The following SLC6A6 variants were observed in gnomAD, a reference collection of about 807,000 sequenced individuals.
SLC6A6 encodes sodium- and chloride-dependent taurine transporter.
A neutral mutation model predicts 68.8 loss-of-function variants in SLC6A6; 16 were observed. That is an observed-to-expected ratio of 0.23 (90% CI 0.16 to 0.35). The LOEUF is 0.35. Among genes scored for constraint, SLC6A6 ranks in the 10% least tolerant of loss-of-function variants. SLC6A6 has a pLI of 1.00. For synonymous variants in SLC6A6, 312 were observed against 315.4 expected, an observed-to-expected ratio of 0.99 and a Z score of 0.12; for missense variants, 474 against 802.8, an observed-to-expected ratio of 0.59 and a Z score of 4.95.
chr3:14,409,917 C>CTTGG (rs1559282335), intron 1 of SLC6A6, among the ~76,000 whole-genome samples: 25 of 152,284 alleles, frequency 1.6e-4, no homozygotes, highest in Admixed American at 1.3e-3. Context: ...GCCAGGCACA[C>CTTGG]TGGCTCACGT....
At chr3:14,437,026 G>T (rs1213735154) in intron 2 of SLC6A6, among the ~76,000 whole-genome samples, 2 of 138,984 alleles carry the variant, frequency 1.4e-5, no homozygotes, top group Admixed American at 7.3e-5. Flanking sequence ...AGACAGACCT[G>T]GGGGGCATTT....
At chr3:14,473,619 A>G (rs1700804404) in intron 10 of SLC6A6, among the ~76,000 whole-genome samples, 1 of 152,150 alleles carries the variant, frequency 6.6e-6, no homozygotes, top group Non-Finnish European at 1.5e-5. Flanking sequence ...AGAGCAGGGG[A>G]TTTGGCAGAG....
At chr3:14,433,801 TC>T (rs1400440988) in intron 2 of SLC6A6, among the ~76,000 whole-genome samples, 2 of 24,234 alleles carry the variant, frequency 8.3e-5, no homozygotes, top group East Asian at 8.6e-4. Context: ...AGACTCTGTC[TC>T]AAAAAAAAAA....
intron 6 of SLC6A6, among the ~76,000 whole-genome samples, chr3:14,459,117 A>G (rs1446825699): frequency 6.6e-6 from 1 of 152,194 alleles, no homozygotes; most frequent in Admixed American, 6.5e-5. Flanking sequence ...GCTATAAAGA[A>G]CAAAGGCGTT....
At chr3:14,449,120 T>C (rs773628713) in intron 5 of SLC6A6, among the ~76,000 whole-genome samples, 8 of 152,240 alleles carry the variant, frequency 5.3e-5, no homozygotes, top group Non-Finnish European at 1.2e-4. Flanking sequence ...GCCTACCGAC[T>C]GGCCCCAGCC....
Position 14,485,792 on chromosome 3 carries a change from A to C in SLC6A6, c.*785A>C, listed in dbSNP as rs968046685. ...ATTTTGAGATGGTGAGTGGATAGTC[A>C]GTAGACCGTCAGAACCACTGGCCAG... On this transcript the variant is annotated 3_prime_UTR_variant, in exon 15 of 15. Coordinates refer to ENST00000622186, the MANE Select transcript of SLC6A6 (RefSeq NM_003043.6). 1 of 152,420 alleles carries C rather than the reference A, an allele frequency of 6.6e-6. No homozygotes were observed. The highest frequency in any genetic ancestry group is 2.4e-5 in the African/African-American group (1 of 41,440). The allele number at this position is 152,420 out of a possible 1,614,324, so 9.4% of individuals were successfully genotyped here. A position where few individuals can be genotyped will look rare whatever the true frequency, so the allele number is the denominator to read the frequency against.
rs1700141218 is a variant in SLC6A6, at chr3:14,447,124, C to T, written c.365-458C>T. On this transcript the variant is annotated intron_variant, in intron 4 of 14. Coordinates refer to ENST00000622186, the MANE Select transcript of SLC6A6 (RefSeq NM_003043.6). ...GATATCTATCCATCAATCCAACATT[C>T]TTCAATTTAGCTGTTTATCCATTCA... is the stretch of plus-strand genomic sequence containing the variant. Among the ~76,000 whole-genome samples, 3 of 152,164 alleles carry T rather than the reference C, an allele frequency of 2.0e-5. No homozygotes were observed. The South Asian group carries it at 6.2e-4, about 32-fold the overall frequency.
chr3:14,414,186 G>A (rs1252559534), intron 1 of SLC6A6, among the ~76,000 whole-genome samples: 2 of 152,164 alleles, frequency 1.3e-5, no homozygotes, highest in Non-Finnish European at 2.9e-5. Context: ...GGATGCCCTA[G>A]CTGCTCACCA....
intron 10 of SLC6A6, among the ~76,000 whole-genome samples, chr3:14,473,208 C>T (rs1700793853): frequency 1.3e-5 from 2 of 152,174 alleles, no homozygotes; most frequent in African/African-American, 4.8e-5. Context: ...GTATTTTTGA[C>T]AGGGTCTTGT....
At chr3:14,460,153 G>A (rs111359260) in intron 6 of SLC6A6, among the ~76,000 whole-genome samples, 1 of 152,082 alleles carries the variant, frequency 6.6e-6, no homozygotes, top group African/African-American at 2.4e-5. Flanking sequence ...ACTTACTTAC[G>A]CACTAGTATT....
intron 1 of SLC6A6, among the ~76,000 whole-genome samples, chr3:14,405,420 A>G (rs1206336946): frequency 1.3e-5 from 2 of 152,342 alleles, no homozygotes; most frequent in African/African-American, 4.8e-5. Context: ...GTCCTGAATG[A>G]TAAGAAACTT....
intron 6 of SLC6A6, among the ~76,000 whole-genome samples, chr3:14,461,833 G>C (rs1162443973): frequency 6.6e-6 from 1 of 152,162 alleles, no homozygotes; most frequent in Non-Finnish European, 1.5e-5. Flanking sequence ...GATCAATGGC[G>C]AGCCCTGCTG....
At chr3:14,463,520 T>C (rs112087968) in intron 6 of SLC6A6, among the ~76,000 whole-genome samples, 37 of 152,346 alleles carry the variant, frequency 2.4e-4, no homozygotes, top group African/African-American at 8.9e-4. Context: ...GGCCGCCCTC[T>C]GGAGACCCCT....
chr3:14,411,238 C>T (rs9815728), intron 1 of SLC6A6: 17,705 of 152,364 alleles, frequency 0.12, 1,629 homozygotes, highest in African/African-American at 0.25. Flanking sequence ...TCTTGGCCAG[C>T]GTTCACGCTC....
intron 1 of SLC6A6, among the ~76,000 whole-genome samples, chr3:14,405,400 C>G (rs1465275816): frequency 6.6e-6 from 1 of 152,226 alleles, no homozygotes; most frequent in East Asian, 1.9e-4. Flanking sequence ...CTCTGAAAGT[C>G]TTTCCAAAAG....
intron 2 of SLC6A6, among the ~76,000 whole-genome samples, chr3:14,423,154 G>A (rs751432520): frequency 3.9e-5 from 6 of 152,224 alleles, no homozygotes; most frequent in Non-Finnish European, 5.9e-5. Context: ...AAACTGTAGA[G>A]GAACCCAGAG....
intron 13 of SLC6A6, among the ~76,000 whole-genome samples, chr3:14,479,794 T>C (rs1700966670): frequency 6.6e-6 from 1 of 152,216 alleles, no homozygotes; most frequent in South Asian, 2.1e-4. Context: ...CACCTGCCCA[T>C]GCAGTCTGCT....
rs771736227 is a variant in SLC6A6 at position 14,447,778 on chromosome 3, C to T, written c.561C>T (p.Ser187=). The T allele has an allele frequency of 1.9e-6, 3 of 1,614,100 alleles. No homozygotes were observed. The highest frequency in any genetic ancestry group is 2.5e-6 in the Non-Finnish European group (3 of 1,180,046). ...RKNKSVWITI[S]STNFTSPVIE... Reference sequence around the variant, plus strand: ...ACAAGAGTGTCTGGATCACCATCAGCTCCACCAACTTCACCTCCCCTGTCA... The same window carrying T: ...ACAAGAGTGTCTGGATCACCATCAGTTCCACCAACTTCACCTCCCCTGTCA... The change falls in exon 5 of 15, where the codon AGC becomes AGT. Residue 187 remains serine, a synonymous_variant. Transcript: ENST00000622186.
intron 5 of SLC6A6, among the ~76,000 whole-genome samples, chr3:14,455,843 G>A (rs551507709): frequency 1.3e-5 from 2 of 152,340 alleles, no homozygotes; most frequent in African/African-American, 4.8e-5. Context: ...GTGGTTGGCC[G>A]CCAGCCTGCC....
Sources: gnomAD v4.1 joint callset for allele counts (sites outside exome capture counted in the v4.1 genomes callset) on GRCh38, gnomAD v4.1.1 for gene constraint, MANE v1.5 for transcripts, NCBI Gene and HGNC (gene_info 2026-07-23, HGNC 2026-07-21) for gene names.